Variants in CAMSAP1 observed in about 807,000 individuals in gnomAD.
The protein encoded by CAMSAP1 is calmodulin regulated spectrin associated protein 1.
In CAMSAP1, 58 loss-of-function variants were observed where a neutral mutation model predicts 143.5. The ratio of observed to expected loss-of-function variants is 0.40; its 90% CI spans 0.33 to 0.50. CAMSAP1 has a LOEUF of 0.50. Ranked by LOEUF, CAMSAP1 falls within the 20% of genes least tolerant of loss-of-function variation. The pLI, the probability that CAMSAP1 is intolerant of heterozygous loss-of-function variation, is 0.45. For missense variants in CAMSAP1, 1,969 were observed against 2,115.7 expected, an observed-to-expected ratio of 0.93 and a Z score of 1.36; for synonymous variants, 945 against 859.3, an observed-to-expected ratio of 1.10 and a Z score of -1.74.
chr9:135,808,930 A>C lies in CAMSAP1; in HGVS notation c.*2379T>G, dbSNP rs1260730871. ...AAGTTATATCCTAAATGGGTAGAGC[A>C]GCTTGTCTTAAATAACAAGGTTAGA... On this transcript the variant is annotated 3_prime_UTR_variant, in exon 17 of 17. Transcript: ENST00000389532. 6.6e-6 allele frequency: 1 copy of C among 152,248 alleles called. No individual in the cohort carries two copies. The highest frequency in any genetic ancestry group is 1.5e-5 in the Non-Finnish European group (1 of 68,038). The allele number at this position is 152,248 out of a possible 1,614,324, so 9.4% of individuals were successfully genotyped here.
chr9:135,853,523 T>G (rs1390059267), intron 5 of CAMSAP1, among the ~76,000 whole-genome samples: 1 of 152,260 alleles, frequency 6.6e-6, no homozygotes. Context: ...CAGAACAATC[T>G]GGAGAAATCA....
chr9:135,812,172 G>A (rs1458688316), intron 16 of CAMSAP1, among the ~76,000 whole-genome samples: 1 of 152,166 alleles, frequency 6.6e-6, no homozygotes, highest in Middle Eastern at 3.2e-3. Flanking sequence ...TCCCTTCACA[G>A]GCAAAAAGTA....
intron 7 of CAMSAP1, among the ~76,000 whole-genome samples, chr9:135,844,127 C>T (rs753113384): frequency 6.6e-6 from 1 of 152,138 alleles, no homozygotes; most frequent in Admixed American, 6.5e-5. Flanking sequence ...GAACTCTCCA[C>T]CCCAAATCAA....
intron 1 of CAMSAP1, among the ~76,000 whole-genome samples, chr9:135,902,474 G>C (rs1838645902): frequency 6.6e-6 from 1 of 152,174 alleles, no homozygotes; most frequent in Non-Finnish European, 1.5e-5. Flanking sequence ...TTTTACACAG[G>C]AGGGCAAGTT....
In CAMSAP1 at chr9:135,834,331, G is replaced by A. The variant is rs547464008; in HGVS notation, c.1046-6747C>T. Among the ~76,000 whole-genome samples the A allele has an allele frequency of 1.2e-3, 183 of 152,282 alleles. 2 individuals are homozygous for A. In the Middle Eastern group the frequency reaches 0.024, roughly 20 times the overall value. ...TATATCCAAAGGAAATGAAATCTGC[G>A]TCGCTAAGAGTTATGTGCACTCCCA... On this transcript the variant is annotated intron_variant, in intron 7 of 16. Coordinates refer to ENST00000389532, the MANE Select transcript of CAMSAP1 (RefSeq NM_015447.4).
At chr9:135,863,713 T>G (rs1378602958) in intron 4 of CAMSAP1, among the ~76,000 whole-genome samples, 4 of 152,192 alleles carry the variant, frequency 2.6e-5, no homozygotes, top group Non-Finnish European at 5.9e-5. Context: ...TAAAATCTAT[T>G]TCAGCACACA....
At position 135,818,492 on chromosome 9, in the gene CAMSAP1, T is replaced by C; in HGVS notation, c.4084A>G (p.Lys1362Glu). The C allele has an allele frequency of 3.1e-6, 5 of 1,610,396 alleles. No homozygotes were observed. Among genetic ancestry groups the C allele is most frequent in the Non-Finnish European group, 3.4e-6 (4 of 1,179,664 alleles). Reference sequence around the variant, plus strand: ...GGCCGCGGCTTCTTCGGCTTTGACTTGGGCTTGCCGAGCCCCTGCTCCTCT... The same window carrying C: ...GGCCGCGGCTTCTTCGGCTTTGACTCGGGCTTGCCGAGCCCCTGCTCCTCT... The part of the protein sequence containing the change: ...ILEEQGLGKP[K>E]SKPKKPRPKS... The change falls in exon 13 of 17, where the codon AAG becomes GAG. Residue 1362 changes from lysine to glutamate, a missense_variant. By Grantham distance (56) the Lys-to-Glu change is moderately conservative. Coordinates refer to ENST00000389532, the MANE Select transcript of CAMSAP1 (RefSeq NM_015447.4). This position sits in a 1 kb window ranked among gnomAD's most constrained non-coding sequence, Gnocchi z 7.7.
At position 135,820,921 on chromosome 9, in the gene CAMSAP1, T is replaced by G; in HGVS notation, c.3740A>C (p.Asp1247Ala). 6.2e-7 allele frequency: 1 copy of G among 1,613,752 alleles called. No homozygotes were observed. Among genetic ancestry groups the G allele is most frequent in the East Asian group, 2.2e-5 (1 of 44,870 alleles). ...GCCATCGAGGCTTACCAGCTCCCCA[T>G]CCTCGTCGGGGGCCTTCAGGTCGGA... ...DLSDLKAPDE[D>A]GELVSLDGSA... is the part of the protein sequence containing the mutation. The change falls in exon 11 of 17, where the codon GAT becomes GCT. Residue 1247 changes from aspartate (D) to alanine (A), a missense_variant. Physicochemically the swap from Asp to Ala is moderately radical, Grantham distance 126. Transcript: ENST00000389532. The surrounding 1 kb of genome is among the most constrained non-coding windows in gnomAD (Gnocchi z 4.4).
chr9:135,836,879 C>T (rs60336387), intron 7 of CAMSAP1: 10 of 983,916 alleles, frequency 1.0e-5, no homozygotes, highest in Middle Eastern at 5.2e-4. Context: ...TCTACAAACA[C>T]GTCACCACAC....
At chr9:135,906,139 AG>A (rs1838770077) in intron 1 of CAMSAP1, among the ~76,000 whole-genome samples, 1 of 152,252 alleles carries the variant, frequency 6.6e-6, no homozygotes, top group Admixed American at 6.5e-5. Flanking sequence ...ACTGTCAAAC[AG>A]GGCAACGCCT....
intron 1 of CAMSAP1, among the ~76,000 whole-genome samples, chr9:135,893,521 A>G (rs1838354176): frequency 6.6e-6 from 1 of 152,238 alleles, no homozygotes; most frequent in Non-Finnish European, 1.5e-5. Context: ...GATTAGATAC[A>G]GATAAGAGAA....
intron 5 of CAMSAP1, 74 bp from the exon 6 acceptor site, chr9:135,850,535 T>C: frequency 2.4e-6 from 3 of 1,236,690 alleles, no homozygotes; most frequent in Non-Finnish European, 3.3e-6. Context: ...CATTCTAAAA[T>C]GAAAACCATT....
chr9:135,823,334 G>C, intron 10 of CAMSAP1, 74 bp from the exon 11 acceptor site: 1 of 1,469,092 alleles, frequency 6.8e-7, no homozygotes, highest in Non-Finnish European at 9.0e-7. Flanking sequence ...CAGGGGGTGA[G>C]AATGCCGGCC....
chr9:135,889,313 C>A (rs779520876), intron 1 of CAMSAP1, among the ~76,000 whole-genome samples: 1 of 152,164 alleles, frequency 6.6e-6, no homozygotes, highest in Non-Finnish European at 1.5e-5. Context: ...CCACGGCCTC[C>A]AAATACAATA....
intron 7 of CAMSAP1, among the ~76,000 whole-genome samples, chr9:135,848,147 C>G (rs1034561969): frequency 2.0e-5 from 3 of 151,830 alleles, no homozygotes. Flanking sequence ...AAGCAAGTTT[C>G]ACAGCACTAC....
chr9:135,832,560 T>TA (rs775710788), intron 7 of CAMSAP1, among the ~76,000 whole-genome samples: 43 of 152,306 alleles, frequency 2.8e-4, no homozygotes, highest in Non-Finnish European at 4.4e-4. Context: ...CTGGAAATTC[T>TA]AGTCAGATAA....
rs201390909 is a variant in CAMSAP1, at chr9:135,823,240, G to A, written c.1421C>T (p.Pro474Leu). ...KKTRPASQPT[P>L]FALHHAASCE... Reference sequence around the variant, plus strand: ...ACTCGCAGCGTGATGTAGAGCAAAAGGTGTTGGCTGGGACGCAGGCCTGAA... The same window carrying A: ...ACTCGCAGCGTGATGTAGAGCAAAAAGTGTTGGCTGGGACGCAGGCCTGAA... Residue 474 changes from proline (P) to leucine (L), a missense_variant, in exon 11 of 17, where the codon CCT becomes CTT. Physicochemically the swap from Pro to Leu is moderately conservative, Grantham distance 98. Coordinates refer to ENST00000389532, the MANE Select transcript of CAMSAP1 (RefSeq NM_015447.4). The A allele has an allele frequency of 6.4e-7, 1 of 1,554,354 alleles. No homozygotes were observed. Among genetic ancestry groups the A allele is most frequent in the East Asian group, 2.3e-5 (1 of 44,394 alleles).
rs1355542137 is a variant in CAMSAP1 at position 135,836,573 on chromosome 9, CCA to C, written c.1046-8991_1046-8990del. The C allele has an allele frequency of 2.0e-5, 20 of 981,606 alleles. No individual in the cohort carries two copies. The East Asian group carries it at 9.5e-4, about 46-fold the overall frequency. 60.8% of individuals were successfully genotyped at this position (981,606 alleles called of 1,614,324 possible). On this transcript the variant is annotated intron_variant, in intron 7 of 16. Coordinates refer to ENST00000389532, the MANE Select transcript of CAMSAP1 (RefSeq NM_015447.4). Reference sequence around the variant, plus strand: ...TACCCCGTTCTACAGACACACATCACCACACACTTTCTACCCATTCTGCAGCC... The same window carrying C: ...TACCCCGTTCTACAGACACACATCACCACACTTTCTACCCATTCTGCAGCC...
intron 7 of CAMSAP1, among the ~76,000 whole-genome samples, chr9:135,849,263 G>C (rs1446276262): frequency 6.6e-6 from 1 of 152,196 alleles, no homozygotes; most frequent in Non-Finnish European, 1.5e-5. Context: ...AGTATCTCGT[G>C]TAATTTACTG....
Sources: allele counts gnomAD v4.1 joint callset (sites outside exome capture counted in the v4.1 genomes callset), GRCh38; gene constraint gnomAD v4.1.1; non-coding constraint Gnocchi (gnomAD v3.1); transcripts MANE v1.5; gene names NCBI Gene and HGNC (gene_info 2026-07-23, HGNC 2026-07-21).